SORD: variants seen among roughly 807,000 people sequenced by gnomAD.
SORD encodes the protein (R,R)-butanediol dehydrogenase.
SORD carries 18 observed loss-of-function variants against 35.6 expected under a neutral mutation model. The ratio of observed to expected loss-of-function variants is 0.51; its 90% CI spans 0.35 to 0.75. The LOEUF is 0.75. SORD is among the 30% of genes least tolerant of loss of function. The probability of loss-of-function intolerance (pLI) is 0.01; values close to 1 mark genes in which losing one functional copy is unlikely to be tolerated. For missense variants in SORD, 250 were observed against 390.2 expected, an observed-to-expected ratio of 0.64 and a Z score of 3.03; for synonymous variants, 106 against 152.9, an observed-to-expected ratio of 0.69 and a Z score of 2.26.
intron 7 of SORD, among the ~76,000 whole-genome samples, chr15:45,069,429 C>T (rs1420758952): frequency 6.6e-6 from 1 of 151,760 alleles, no homozygotes; most frequent in Admixed American, 6.6e-5. Flanking sequence ...CCAGGATGGT[C>T]GCCATCTCCT....
intron 1 of SORD, among the ~76,000 whole-genome samples, chr15:45,035,870 G>A (rs1457278473): frequency 6.6e-6 from 1 of 151,714 alleles, no homozygotes; most frequent in Non-Finnish European, 1.5e-5. Flanking sequence ...CTGAGCCAGC[G>A]AGACCACGAA....
At chr15:45,054,203 C>G (rs1460736998) in intron 3 of SORD, among the ~76,000 whole-genome samples, 1 of 152,164 alleles carries the variant, frequency 6.6e-6, no homozygotes, top group Non-Finnish European at 1.5e-5. Context: ...AGTTCTAGAT[C>G]CCTGAGGAAT....
chr15:45,027,116 G>T (rs1291901666), intron 1 of SORD, among the ~76,000 whole-genome samples: 1 of 152,236 alleles, frequency 6.6e-6, no homozygotes, highest in African/African-American at 2.4e-5. Flanking sequence ...ATAGTTAGGA[G>T]AACAAAACGA....
At chr15:45,038,126 C>CCCTTCCTTCCTTCTTTCCTTCCTTCTTT (rs1892899777) in intron 1 of SORD, among the ~76,000 whole-genome samples, 8 of 122,332 alleles carry the variant, frequency 6.5e-5, no homozygotes, top group South Asian at 3.3e-4. Flanking sequence ...CTCGCATCCT[C>CCCTTCCTTCCTTCTTTCCTTCCTTCTTT]CCTTCCTTCC....
At chr15:45,049,575 G>A (rs1398889655) in intron 3 of SORD, among the ~76,000 whole-genome samples, 1 of 152,204 alleles carries the variant, frequency 6.6e-6, no homozygotes, top group Non-Finnish European at 1.5e-5. Context: ...TGCCTGCCAA[G>A]ATTTGGGTGC....
intron 5 of SORD, among the ~76,000 whole-genome samples, chr15:45,066,884 G>A (rs909163038): frequency 5.9e-5 from 9 of 152,052 alleles, no homozygotes; most frequent in Non-Finnish European, 1.0e-4. Context: ...CATAGAAAAG[G>A]AAAATAAGTC....
At chr15:45,059,068 C>T (rs902169652) in intron 3 of SORD, among the ~76,000 whole-genome samples, 1 of 152,156 alleles carries the variant, frequency 6.6e-6, no homozygotes, top group Non-Finnish European at 1.5e-5. Context: ...TGTTGGGCCT[C>T]ACTCCCTTAT....
At chr15:45,064,087 C>T (rs1040889428) in intron 4 of SORD, among the ~76,000 whole-genome samples, 8 of 149,166 alleles carry the variant, frequency 5.4e-5, no homozygotes, top group Admixed American at 2.0e-4. Flanking sequence ...TTGGCTGTCA[C>T]ATTTATTTCT....
intron 1 of SORD, among the ~76,000 whole-genome samples, chr15:45,030,378 G>A (rs1016968197): frequency 2.6e-5 from 4 of 152,350 alleles, no homozygotes; most frequent in African/African-American, 4.8e-5. Flanking sequence ...ATATGTACAC[G>A]TAGATACAAT....
At chr15:45,064,482 G>A (rs1361946287) in intron 4 of SORD, among the ~76,000 whole-genome samples, 1 of 152,220 alleles carries the variant, frequency 6.6e-6, no homozygotes, top group African/African-American at 2.4e-5. Context: ...GTCATCAGCT[G>A]TATTATTGAT....
intron 3 of SORD, among the ~76,000 whole-genome samples, chr15:45,053,283 G>C (rs1472626237): frequency 6.6e-6 from 1 of 152,178 alleles, no homozygotes; most frequent in African/African-American, 2.4e-5. Context: ...ACTTCTCTGT[G>C]TTCTCTTATG....
chr15:45,050,103 GA>G (rs1447814348), intron 3 of SORD, among the ~76,000 whole-genome samples: 1 of 151,826 alleles, frequency 6.6e-6, no homozygotes, highest in East Asian at 1.9e-4. Context: ...TTTTTTTTGA[GA>G]CGGAGTCTCG....
chr15:45,061,631 GC>G (rs1489525717), intron 4 of SORD, among the ~76,000 whole-genome samples: 1 of 151,862 alleles, frequency 6.6e-6, no homozygotes, highest in African/African-American at 2.4e-5. Flanking sequence ...ACTTTAGGAG[GC>G]CAAGGCCAGT....
intron 1 of SORD, among the ~76,000 whole-genome samples, chr15:45,035,301 G>A (rs961526810): frequency 1.7e-4 from 26 of 152,322 alleles, no homozygotes; most frequent in African/African-American, 6.0e-4. Flanking sequence ...GGGCTCCTGA[G>A]TCTAGTGGGA....
At chr15:45,054,154 A>T (rs1326659784) in intron 3 of SORD, among the ~76,000 whole-genome samples, 1 of 152,194 alleles carries the variant, frequency 6.6e-6, no homozygotes, top group Non-Finnish European at 1.5e-5. Flanking sequence ...TTTTGGGTAT[A>T]TACCCAGTAA....
At chr15:45,055,558 G>T (rs1437683096) in intron 3 of SORD, among the ~76,000 whole-genome samples, 5 of 152,128 alleles carry the variant, frequency 3.3e-5, no homozygotes, top group African/African-American at 1.2e-4. Flanking sequence ...TTCTACCAGA[G>T]GTACAAGGAG....
At chr15:45,030,914 A>C (rs913573398) in intron 1 of SORD, among the ~76,000 whole-genome samples, 1 of 152,250 alleles carries the variant, frequency 6.6e-6, no homozygotes, top group Admixed American at 6.5e-5. Context: ...GTTCCAGCCT[A>C]CTTGTGCTGA....
rs182439082 is a variant in SORD, at chr15:45,044,387, A to G, written c.265+966A>G. On this transcript the variant is annotated intron_variant, in intron 3 of 8. Coordinates refer to ENST00000267814, the MANE Select transcript of SORD (RefSeq NM_003104.6). ...TTATGCCACGAGCCCTGAGGGATAT[A>G]GAAAAATGAGCAGATATGATCCCTG... Among the ~76,000 whole-genome samples the G allele has an allele frequency of 6.6e-5, 10 of 151,880 alleles. No individual in the cohort carries two copies. The East Asian group carries it at 1.9e-3, about 29-fold the overall frequency.
intron 1 of SORD, 21 bp downstream of exon 1, chr15:45,023,370 G>T: frequency 6.5e-7 from 1 of 1,547,478 alleles, no homozygotes; most frequent in South Asian, 1.2e-5. Flanking sequence ...AAGGAGGGTG[G>T]GAAGCATACC....
Sources: allele counts gnomAD v4.1 joint callset (sites outside exome capture counted in the v4.1 genomes callset), GRCh38; gene constraint gnomAD v4.1.1; transcripts MANE v1.5; gene names NCBI Gene and HGNC (gene_info 2026-07-23, HGNC 2026-07-21).